Variants in RAB27B observed in about 807,000 individuals in gnomAD.
RAB27B encodes ras-related protein Rab-27B.
RAB27B carries 15 observed loss-of-function variants against 24.6 expected under a neutral mutation model. That is an observed-to-expected ratio of 0.61 (90% CI 0.41 to 0.94). RAB27B has a LOEUF of 0.94. Among genes scored for constraint, RAB27B ranks in the 40% least tolerant of loss-of-function variants. RAB27B has a pLI of 0.00. For missense variants in RAB27B, 261 were observed against 266.8 expected (o/e 0.98, Z 0.15); for synonymous variants, 105 against 92.5 (o/e 1.14, Z -0.78).
chr18:54,809,229 A>T (rs1271589362), intron 2 of RAB27B, among the ~76,000 whole-genome samples: 1 of 152,196 alleles, frequency 6.6e-6, no homozygotes, highest in Non-Finnish European at 1.5e-5. Flanking sequence ...ACTTGCTCTG[A>T]ACAGTGGTAC....
intron 1 of RAB27B, among the ~76,000 whole-genome samples, chr18:54,850,359 T>TATATATATATATATATATATATATATAC (rs1491518141): frequency 7.9e-6 from 1 of 126,872 alleles, no homozygotes; most frequent in Non-Finnish European, 1.6e-5. Context: ...TATATATATA[T>TATATATATATATATATATATATATATAC]ACATACATAC....
intron 2 of RAB27B, among the ~76,000 whole-genome samples, chr18:54,819,795 C>T (rs62091460): frequency 0.4 from 57,431 of 142,082 alleles, 13,327 homozygotes; most frequent in Non-Finnish European, 0.52. Context: ...AACAGGCTCC[C>T]GTGTGTGATG....
intron 2 of RAB27B, among the ~76,000 whole-genome samples, chr18:54,766,674 T>C (rs1908373547): frequency 6.6e-6 from 1 of 152,142 alleles, no homozygotes; most frequent in African/African-American, 2.4e-5. Flanking sequence ...AGGCGTAGTG[T>C]ATGAAATATT....
At chr18:54,880,633 C>T (rs1411002700) in intron 3 of RAB27B, 2 of 152,152 alleles carry the variant, frequency 1.3e-5, no homozygotes, top group Non-Finnish European at 2.9e-5. Context: ...AGCCATTCCT[C>T]ACAAGAATCT....
chr18:54,895,256 T>C lies in RAB27B; in HGVS notation c.*5843T>C, dbSNP rs1293696180. 1.3e-5 allele frequency: 2 copies of C among 152,138 alleles called. No homozygotes were observed. The highest frequency in any genetic ancestry group is 1.5e-5 in the Non-Finnish European group (1 of 68,000). The allele number at this position is 152,138 out of a possible 1,614,324, so 9.4% of individuals were successfully genotyped here. A position where few individuals can be genotyped will look rare whatever the true frequency, so the allele number is the denominator to read the frequency against. On this transcript the variant is annotated 3_prime_UTR_variant, in exon 6 of 6. Coordinates refer to ENST00000262094, the MANE Select transcript of RAB27B (RefSeq NM_004163.4). ...GTTTGATTATTTTGTCTGTCTCCTA[T>C]ATAGATCTGTTTTGTCTAGTGCTAT... is the stretch of plus-strand genomic sequence containing the variant.
chr18:54,829,116 A>T (rs1388334575), intron 1 of RAB27B, among the ~76,000 whole-genome samples: 1 of 152,274 alleles, frequency 6.6e-6, no homozygotes, highest in Non-Finnish European at 1.5e-5. Context: ...GAGGCAAGCC[A>T]GGAGAGCAAT....
chr18:54,719,998 A>G (rs1000653703), intron 2 of RAB27B, among the ~76,000 whole-genome samples: 7 of 152,100 alleles, frequency 4.6e-5, no homozygotes, highest in Non-Finnish European at 8.8e-5. Flanking sequence ...AAAAGTCCCA[A>G]GAAGTATGTT....
At chr18:54,801,473 C>T (rs1479007333) in intron 2 of RAB27B, among the ~76,000 whole-genome samples, 2 of 152,120 alleles carry the variant, frequency 1.3e-5, no homozygotes, top group Admixed American at 6.5e-5. Context: ...TCACTGTATC[C>T]CAGGTCACCA....
chr18:54,819,531 CAAAAAAAAAAA>C (rs33940922), intron 2 of RAB27B, among the ~76,000 whole-genome samples: 1 of 65,180 alleles, frequency 1.5e-5, no homozygotes, highest in Non-Finnish European at 3.0e-5. Flanking sequence ...GACTCCATCT[CAAAAAAAAAAA>C]AAAAAGAAAA....
chr18:54,790,353 C>T (rs1909211375), intron 2 of RAB27B, among the ~76,000 whole-genome samples: 1 of 152,102 alleles, frequency 6.6e-6, no homozygotes, highest in African/African-American at 2.4e-5. Context: ...TGAATGAGTG[C>T]ATTTTTGAAA....
Position 54,770,963 on chromosome 18 carries a change from A to C in RAB27B, c.-20+52822A>C, listed in dbSNP as rs573098019. 2.6e-5 allele frequency among the ~76,000 whole-genome samples: 4 copies of C among 152,234 alleles called. No individual in the cohort carries two copies. The South Asian group carries it at 8.3e-4, about 32-fold the overall frequency. ...AGGAGCAGAGACACTAGTTTTTCTC[A>C]TTTAGGTTCTGTCCCTTTCTTGTTA... On this transcript the variant is annotated intron_variant, in intron 2 of 4. Transcript: ENST00000586570.
upstream of RAB27B, among the ~76,000 whole-genome samples, chr18:54,825,803 C>A (rs77735887): frequency 0.011 from 1,693 of 152,220 alleles, 27 homozygotes; most frequent in African/African-American, 0.038. Flanking sequence ...AACTCTGGGT[C>A]CAAGCATTCC....
At chr18:54,887,605 G>A (rs6566915) in intron 4 of RAB27B, among the ~76,000 whole-genome samples, 147,651 of 152,188 alleles carry the variant, frequency 0.97, 71,796 homozygotes, top group Non-Finnish European at 1. Flanking sequence ...AATGTTTGGT[G>A]TTGACAGAGG....
chr18:54,793,282 T>TA (rs1251096680), intron 2 of RAB27B, among the ~76,000 whole-genome samples: 1 of 152,154 alleles, frequency 6.6e-6, no homozygotes, highest in African/African-American at 2.4e-5. Flanking sequence ...TTCGTTGGAT[T>TA]AAAAATATTT....
At chr18:54,761,069 T>G (rs80354882) in intron 2 of RAB27B, among the ~76,000 whole-genome samples, 6,303 of 151,946 alleles carry the variant, frequency 0.041, 200 homozygotes, top group Admixed American at 0.082. Context: ...TAATTTATAG[T>G]ATTTCATTTC....
At chr18:54,720,334 G>A (rs1053563775) in intron 2 of RAB27B, among the ~76,000 whole-genome samples, 10 of 152,096 alleles carry the variant, frequency 6.6e-5, no homozygotes, top group Non-Finnish European at 1.3e-4. Flanking sequence ...ACTTGGTAGT[G>A]TTAAGGTTGA....
At chr18:54,776,962 C>T (rs909718943) in intron 2 of RAB27B, among the ~76,000 whole-genome samples, 1 of 152,036 alleles carries the variant, frequency 6.6e-6, no homozygotes, top group Admixed American at 6.6e-5. Flanking sequence ...GGAGAATCAC[C>T]TGAGCCTGGG....
chr18:54,736,779 G>A (rs1478587735), intron 2 of RAB27B, among the ~76,000 whole-genome samples: 1 of 152,108 alleles, frequency 6.6e-6, no homozygotes, highest in East Asian at 1.9e-4. Flanking sequence ...GAGATATCAT[G>A]TAGAAAAGCC....
intron 2 of RAB27B, among the ~76,000 whole-genome samples, chr18:54,788,928 A>C (rs1191126627): frequency 1.3e-5 from 2 of 152,232 alleles, no homozygotes; most frequent in Non-Finnish European, 2.9e-5. Flanking sequence ...CACTTGGATG[A>C]AGAATATGTG....
Sources: allele counts gnomAD v4.1 joint callset (sites outside exome capture counted in the v4.1 genomes callset), GRCh38; gene constraint gnomAD v4.1.1; transcripts MANE v1.5; gene names NCBI Gene and HGNC (gene_info 2026-07-23, HGNC 2026-07-21).